Variants in MAN1A1 observed in about 807,000 individuals in gnomAD.
MAN1A1 encodes mannosidase alpha class 1A member 1.
In MAN1A1, 29 loss-of-function variants were observed where a neutral mutation model predicts 70.8. The observed-to-expected ratio is 0.41, with a 90% confidence interval of 0.31 to 0.56. The LOEUF (loss-of-function observed/expected upper bound fraction) is 0.56, where lower values mean the gene tolerates loss of function less well. Among genes scored for constraint, MAN1A1 ranks in the 20% least tolerant of loss-of-function variants. The pLI is 0.29. For missense variants in MAN1A1, 747 were observed against 841.3 expected, an observed-to-expected ratio of 0.89 and a Z score of 1.39; for synonymous variants, 349 against 330.1, an observed-to-expected ratio of 1.06 and a Z score of -0.62.
At chr6:119,295,726 A>G (rs9320685) in intron 4 of MAN1A1, among the ~76,000 whole-genome samples, 57,429 of 151,982 alleles carry the variant, frequency 0.38, 11,333 homozygotes, top group Non-Finnish European at 0.41. Context: ...CTCTTTTGCT[A>G]GCTATTCCTC....
At chr6:119,214,356 A>C (rs1774138510) in intron 6 of MAN1A1, among the ~76,000 whole-genome samples, 1 of 152,224 alleles carries the variant, frequency 6.6e-6, no homozygotes, top group South Asian at 2.1e-4. Flanking sequence ...ACTAACATTA[A>C]AAAATGTTTC....
intron 6 of MAN1A1, among the ~76,000 whole-genome samples, chr6:119,243,588 T>C (rs1220887378): frequency 6.6e-6 from 1 of 152,082 alleles, no homozygotes; most frequent in Non-Finnish European, 1.5e-5. Context: ...TCTTAAAATA[T>C]ACACATTATA....
At chr6:119,231,750 A>T (rs181876465) in intron 6 of MAN1A1, among the ~76,000 whole-genome samples, 2 of 152,316 alleles carry the variant, frequency 1.3e-5, no homozygotes, top group Non-Finnish European at 2.9e-5. Context: ...GTTTGATCAC[A>T]TGATCACAAA....
intron 8 of MAN1A1, among the ~76,000 whole-genome samples, chr6:119,200,729 T>C (rs1773692429): frequency 6.6e-6 from 1 of 152,164 alleles, no homozygotes; most frequent in Non-Finnish European, 1.5e-5. Context: ...CTTTCTCCCA[T>C]CCTAAAGGTA....
At chr6:119,267,349 T>C (rs1023437190) in intron 5 of MAN1A1, among the ~76,000 whole-genome samples, 1 of 152,218 alleles carries the variant, frequency 6.6e-6, no homozygotes, top group East Asian at 1.9e-4. Context: ...TGAATTATGC[T>C]TGTTTTATGT....
chr6:119,219,534 C>A lies in MAN1A1; in HGVS notation c.993-14652G>T, dbSNP rs79185414. Among the ~76,000 whole-genome samples, 445 of 151,908 alleles carry A rather than the reference C, an allele frequency of 2.9e-3. 13 individuals are homozygous for A. In the East Asian group the frequency reaches 0.039, roughly 13 times the overall value. On this transcript the variant is annotated intron_variant, in intron 6 of 12. Coordinates refer to ENST00000368468, the MANE Select transcript of MAN1A1 (RefSeq NM_005907.4). ...AACTACAGGGATTAGTCCAGCAAAA[C>A]ATTTTTATCTTTTTGGATTAAGCAA...
intron 5 of MAN1A1, among the ~76,000 whole-genome samples, chr6:119,277,962 A>AAAAAAAAAAT (rs1776121239): frequency 8.7e-6 from 1 of 114,678 alleles, no homozygotes; most frequent in East Asian, 2.7e-4. Context: ...AAAAAAAGTA[A>AAAAAAAAAAT]AAATAAATAA....
chr6:119,309,815 G>A (rs1240201474), intron 2 of MAN1A1, among the ~76,000 whole-genome samples: 1 of 152,146 alleles, frequency 6.6e-6, no homozygotes. Context: ...TTGGGTATAA[G>A]GCATTAAAGA....
intron 6 of MAN1A1, among the ~76,000 whole-genome samples, chr6:119,221,503 A>G (rs1774360149): frequency 7.2e-6 from 1 of 138,010 alleles, no homozygotes; most frequent in Non-Finnish European, 1.5e-5. Context: ...ACAGAGTCTC[A>G]TTTCTGTCAC....
intron 6 of MAN1A1, among the ~76,000 whole-genome samples, chr6:119,218,402 A>G (rs1030575128): frequency 1.3e-5 from 2 of 152,130 alleles, no homozygotes; most frequent in African/African-American, 4.8e-5. Flanking sequence ...TGTAAAGTTT[A>G]CTGTTTTAAG....
chr6:119,318,931 G>A (rs1210403555), intron 2 of MAN1A1, among the ~76,000 whole-genome samples: 4 of 152,120 alleles, frequency 2.6e-5, no homozygotes, highest in African/African-American at 4.8e-5. Flanking sequence ...TTGTGTTACT[G>A]AAAAGAGACA....
chr6:119,270,086 C>A (rs1323184305), intron 5 of MAN1A1, among the ~76,000 whole-genome samples: 1 of 152,170 alleles, frequency 6.6e-6, no homozygotes, highest in African/African-American at 2.4e-5. Context: ...AGTCCTTTGA[C>A]CTTACTCTAG....
At chr6:119,207,044 C>G (rs941328568) in intron 6 of MAN1A1, among the ~76,000 whole-genome samples, 1 of 152,270 alleles carries the variant, frequency 6.6e-6, no homozygotes. Flanking sequence ...CTAAATGAAA[C>G]CTCAAATTAC....
chr6:119,243,914 G>C (rs1361081617), intron 6 of MAN1A1, among the ~76,000 whole-genome samples: 14 of 151,938 alleles, frequency 9.2e-5, no homozygotes, highest in Admixed American at 5.9e-4. Flanking sequence ...ACACACTGTA[G>C]ACAGCTCTAC....
At chr6:119,190,745 A>G (rs1773419563) in intron 9 of MAN1A1, among the ~76,000 whole-genome samples, 1 of 152,240 alleles carries the variant, frequency 6.6e-6, no homozygotes, top group African/African-American at 2.4e-5. Flanking sequence ...TTTATAAAAC[A>G]TCTTTTATTT....
rs776772844 is a variant in MAN1A1 at position 119,348,727 on chromosome 6, C to T, written c.339G>A (p.Pro113=). The T allele has an allele frequency of 6.3e-7, 1 of 1,579,160 alleles. No individual in the cohort carries two copies. The highest frequency in any genetic ancestry group is 8.6e-7 in the Non-Finnish European group (1 of 1,165,094). The part of the protein sequence containing the change: ...RRREEGAPGD[P]EAALEDNLAR... The stretch of plus-strand genomic sequence containing the variant: ...CCAAGTTGTCCTCCAGGGCGGCCTC[C>T]GGGTCCCCGGGTGCCCCCTCCTCGC... Residue 113 remains proline (P), a synonymous_variant, in exon 2 of 13, where the codon CCG becomes CCA. Transcript: ENST00000368468.
At chr6:119,225,498 A>T (rs1582712481) in intron 6 of MAN1A1, among the ~76,000 whole-genome samples, 1 of 152,214 alleles carries the variant, frequency 6.6e-6, no homozygotes, top group East Asian at 1.9e-4. Flanking sequence ...AAAACTCCAG[A>T]TTTTGTGAAA....
intron 4 of MAN1A1, among the ~76,000 whole-genome samples, chr6:119,294,859 C>T (rs1772155468): frequency 6.6e-6 from 1 of 152,014 alleles, no homozygotes; most frequent in Non-Finnish European, 1.5e-5. Context: ...ATGAGTATTA[C>T]AAATCATGAA....
intron 5 of MAN1A1, among the ~76,000 whole-genome samples, chr6:119,267,733 C>A (rs1327374339): frequency 1.3e-5 from 2 of 152,178 alleles, no homozygotes; most frequent in Non-Finnish European, 2.9e-5. Context: ...CATTTACTAT[C>A]TTATATGGTT....
Sources: allele counts gnomAD v4.1 joint callset (sites outside exome capture counted in the v4.1 genomes callset), GRCh38; gene constraint gnomAD v4.1.1; transcripts MANE v1.5; gene names NCBI Gene and HGNC (gene_info 2026-07-23, HGNC 2026-07-21).